The following ZNF782 variants were observed in gnomAD, a reference collection of about 807,000 sequenced individuals.
The protein encoded by ZNF782 is zinc finger protein 782.
A neutral mutation model predicts 13.0 loss-of-function variants in ZNF782; 12 were observed. That is an observed-to-expected ratio of 0.92 (90% confidence interval 0.59 to 1.50). The LOEUF is 1.50. Among genes scored for constraint, ZNF782 ranks in the 40% most tolerant of loss-of-function variants. The pLI is 0.00. For synonymous variants in ZNF782, 284 were observed against 283.0 expected, an observed-to-expected ratio of 1.00 and a Z score of -0.04; for missense variants, 770 against 822.9, an observed-to-expected ratio of 0.94 and a Z score of 0.79.
At position 96,862,382 on chromosome 9, in the gene ZNF782, T is replaced by G. The variant is rs185213395; in HGVS notation, c.-456-779A>C. 9.9e-5 allele frequency among the ~76,000 whole-genome samples: 15 copies of G among 151,736 alleles called. No homozygotes were observed. In the East Asian group the frequency reaches 2.5e-3, roughly 25 times the overall value. ...TAGTGCCTAAAATAGTATAATTGAA[T>G]TATTTGTAAAACAAAGGATAAATGC... On this transcript the variant is annotated intron_variant, in intron 1 of 5. Coordinates refer to the ZNF782 transcript ENST00000498811.
At position 96,818,533 on chromosome 9, in the gene ZNF782, C is replaced by T. The variant is rs367983236; in HGVS notation, c.1490G>A (p.Arg497Gln). 57 of 1,612,418 alleles carry T rather than the reference C, an allele frequency of 3.5e-5. No individual in the cohort carries two copies. Among genetic ancestry groups the T allele is most frequent in the Non-Finnish European group, 3.7e-5 (44 of 1,179,644 alleles). ...TGGTCTTTCCCCTGTGTGAGTTCTT[C>T]GGTGATTCCTTAGGCCTGACATATG... ...FSHMSGLRNH[R>Q]RTHTGERPYK... Residue 497 changes from arginine to glutamine, a missense_variant, in exon 6 of 6, where the codon CGA (arginine) becomes CAA (glutamine). Physicochemically the swap from Arg to Gln is conservative, Grantham distance 43. Transcript: ENST00000481138.
intron 1 of ZNF782, among the ~76,000 whole-genome samples, chr9:96,867,649 G>C (rs1187240189): frequency 6.6e-6 from 1 of 152,040 alleles, no homozygotes; most frequent in South Asian, 2.1e-4. Flanking sequence ...TAATAGTGAC[G>C]ACTAGTAAAT....
the ZNF782 span, among the ~76,000 whole-genome samples, chr9:96,916,680 C>T: frequency 1.4e-4 from 21 of 152,044 alleles, no homozygotes; most frequent in Admixed American, 8.5e-4. Context: ...CGGTGTGCAG[C>T]GGCTCCCCAG....
At chr9:96,921,851 G>C in the ZNF782 span, among the ~76,000 whole-genome samples, 3 of 150,768 alleles carry the variant, frequency 2.0e-5, no homozygotes, top group Non-Finnish European at 4.4e-5. Flanking sequence ...CCACAACCAC[G>C]CCCAGCTAAT....
intron 5 of ZNF782, among the ~76,000 whole-genome samples, chr9:96,821,494 GTC>G (rs1242058328): frequency 2.0e-5 from 3 of 152,062 alleles, no homozygotes; most frequent in Non-Finnish European, 4.4e-5. Context: ...AGTAGTTACT[GTC>G]TATAGTATTC....
At chr9:96,898,748 T>G in the ZNF782 span, among the ~76,000 whole-genome samples, 1 of 146,486 alleles carries the variant, frequency 6.8e-6, no homozygotes, top group Non-Finnish European at 1.5e-5. Context: ...GGTTTTACCA[T>G]GTTGGCCAGG....
At chr9:96,894,791 G>C in the ZNF782 span, 1 of 152,112 alleles carries the variant, frequency 6.6e-6, no homozygotes, top group Non-Finnish European at 1.5e-5. Flanking sequence ...GCAGTGGTGT[G>C]ACCATAGCAC....
chr9:96,906,098 G>A, the ZNF782 span, among the ~76,000 whole-genome samples: 14 of 152,342 alleles, frequency 9.2e-5, no homozygotes, highest in South Asian at 1.9e-3. Flanking sequence ...GTATGGTGGC[G>A]CCTCAAAAAA....
the ZNF782 span, among the ~76,000 whole-genome samples, chr9:96,886,783 C>T: frequency 1.2e-4 from 18 of 151,602 alleles, no homozygotes; most frequent in Non-Finnish European, 1.8e-4. Flanking sequence ...ATTAGCTGGG[C>T]GTAGTGACAT....
At chr9:96,826,985 T>G (rs1446313412) in intron 5 of ZNF782, 95 bp downstream of exon 5, 1 of 758,440 alleles carries the variant, frequency 1.3e-6, no homozygotes, top group African/African-American at 1.8e-5. Context: ...TTTTTCAGTG[T>G]ATAAATTTTA....
intron 4 of ZNF782, among the ~76,000 whole-genome samples, chr9:96,831,706 C>G (rs1029653182): frequency 8.0e-5 from 11 of 138,134 alleles, no homozygotes; most frequent in Non-Finnish European, 1.3e-4. Context: ...GAGTGAGACT[C>G]TGTCTCAAAA....
chr9:96,891,330 CAGT>C, the ZNF782 span: 5 of 152,096 alleles, frequency 3.3e-5, no homozygotes, highest in Admixed American at 2.0e-4. Context: ...TTGCAGACAC[CAGT>C]ACTTCCTCTT....
the ZNF782 span, among the ~76,000 whole-genome samples, chr9:96,900,695 C>G: frequency 1.7e-3 from 254 of 152,328 alleles, no homozygotes; most frequent in Non-Finnish European, 1.9e-3. Flanking sequence ...GAGCTGAGAT[C>G]GCACCATTGC....
intron 1 of ZNF782, among the ~76,000 whole-genome samples, chr9:96,873,600 T>C (rs1188866111): frequency 6.6e-6 from 1 of 152,238 alleles, no homozygotes; most frequent in African/African-American, 2.4e-5. Flanking sequence ...CTTGGGAGGC[T>C]GATTCATGAA....
At chr9:96,844,449 C>T (rs1851285373) in intron 4 of ZNF782, among the ~76,000 whole-genome samples, 1 of 152,062 alleles carries the variant, frequency 6.6e-6, no homozygotes, top group African/African-American at 2.4e-5. Context: ...GCATGAGTTT[C>T]AAAAGCATTA....
chr9:96,911,080 A>AAGACGTTCTCCGT, the ZNF782 span, among the ~76,000 whole-genome samples: 3 of 148,006 alleles, frequency 2.0e-5, no homozygotes, highest in Admixed American at 2.1e-4. Flanking sequence ...TCTCCGTCCT[A>AAGACGTTCTCCGT]CTTCTGACTT....
chr9:96,911,730 G>C, the ZNF782 span, among the ~76,000 whole-genome samples: 21 of 151,438 alleles, frequency 1.4e-4, no homozygotes, highest in East Asian at 2.0e-4. Context: ...CCGTGTTAGC[G>C]AGGATGGTCT....
intron 2 of ZNF782, among the ~76,000 whole-genome samples, chr9:96,852,466 C>G (rs1851524163): frequency 6.6e-6 from 1 of 152,128 alleles, no homozygotes; most frequent in African/African-American, 2.4e-5. Flanking sequence ...ATGGCATGAC[C>G]TTGTCTCTAC....
intron 2 of ZNF782, chr9:96,860,443 G>T (rs1443991360): frequency 6.6e-6 from 1 of 152,286 alleles, no homozygotes; most frequent in Non-Finnish European, 1.5e-5. Flanking sequence ...GACTTCATTT[G>T]TGGGAAAGTA....
Sources: allele counts gnomAD v4.1 joint callset (sites outside exome capture counted in the v4.1 genomes callset), GRCh38; gene constraint gnomAD v4.1.1; transcripts MANE v1.5; gene names NCBI Gene and HGNC (gene_info 2026-07-23, HGNC 2026-07-21).